ARHGAP32: variants seen among roughly 807,000 people sequenced by gnomAD.
ARHGAP32 encodes the protein Rho GTPase activating protein 32.
ARHGAP32 carries 51 observed loss-of-function variants against 186.5 expected under a neutral mutation model. The ratio of observed to expected loss-of-function variants is 0.27; its 90% CI spans 0.22 to 0.35. The LOEUF (loss-of-function observed/expected upper bound fraction) is 0.35, where lower values mean the gene tolerates loss of function less well. Among genes scored for constraint, ARHGAP32 ranks in the 10% least tolerant of loss-of-function variants. ARHGAP32 has a pLI of 1.00. For missense variants in ARHGAP32, 2,186 were observed against 2,623.5 expected (o/e 0.83, Z 3.64); for synonymous variants, 950 against 964.3 (o/e 0.99, Z 0.27).
At chr11:129,031,644 C>T (rs188289003) in intron 11 of ARHGAP32, among the ~76,000 whole-genome samples, 22 of 152,270 alleles carry the variant, frequency 1.4e-4, no homozygotes, top group Admixed American at 6.5e-4. Context: ...CATTGTGATA[C>T]GGACAGGAGA....
chr11:129,109,223 G>T (rs1308503090), intron 5 of ARHGAP32, among the ~76,000 whole-genome samples: 2 of 152,014 alleles, frequency 1.3e-5, no homozygotes, highest in Non-Finnish European at 2.9e-5. Flanking sequence ...TGCTGCAAAT[G>T]ACAGAAATTT....
At chr11:129,187,632 G>A (rs1267375795) in intron 1 of ARHGAP32, among the ~76,000 whole-genome samples, 1 of 151,998 alleles carries the variant, frequency 6.6e-6, no homozygotes, top group African/African-American at 2.4e-5. Context: ...CACATTGTGT[G>A]CCTATATCAA....
At chr11:129,165,448 A>T (rs1275367856) in intron 1 of ARHGAP32, among the ~76,000 whole-genome samples, 1 of 151,618 alleles carries the variant, frequency 6.6e-6, no homozygotes, top group Non-Finnish European at 1.5e-5. Flanking sequence ...ATTCTAACAA[A>T]GCCCCAAACC....
chr11:129,198,007 A>T (rs908454615), intron 1 of ARHGAP32, among the ~76,000 whole-genome samples: 2 of 152,208 alleles, frequency 1.3e-5, no homozygotes, highest in South Asian at 2.1e-4. Flanking sequence ...GAATCCAGTT[A>T]ATTTAATATG....
Position 129,086,808 on chromosome 11 carries a change from G to A in ARHGAP32, c.531+6813C>T, listed in dbSNP as rs760945916. Among the ~76,000 whole-genome samples, 95 of 130,822 alleles carry A rather than the reference G, an allele frequency of 7.3e-4. 1 individual carries two copies. The highest frequency in any genetic ancestry group is 1.3e-3 in the Non-Finnish European group (83 of 63,654). The allele number at this position is 130,822 out of a possible 152,430, so 85.8% of individuals were successfully genotyped here. A position where few individuals can be genotyped will look rare whatever the true frequency, so the allele number is the denominator to read the frequency against. On this transcript the variant is annotated intron_variant, in intron 6 of 22. Coordinates refer to ENST00000682385, the MANE Select transcript of ARHGAP32 (RefSeq NM_001378024.1). ...TGCACTCCAGCCTGGGCGACAGAGT[G>A]AGACTCCATCTCAAAAAAAAAAAAA...
At chr11:129,138,663 A>C (rs1420103998) in intron 2 of ARHGAP32, among the ~76,000 whole-genome samples, 1 of 152,202 alleles carries the variant, frequency 6.6e-6, no homozygotes, top group Non-Finnish European at 1.5e-5. Context: ...AGAACCACAA[A>C]GCTGGCTACT....
At chr11:129,102,497 ACTT>A (rs2135305716) in intron 5 of ARHGAP32, among the ~76,000 whole-genome samples, 1 of 152,288 alleles carries the variant, frequency 6.6e-6, no homozygotes, top group African/African-American at 2.4e-5. Context: ...AAATGAGGGA[ACTT>A]CTATCACCTA....
intron 1 of ARHGAP32, among the ~76,000 whole-genome samples, chr11:129,172,177 C>A (rs941502620): frequency 1.3e-5 from 2 of 152,128 alleles, no homozygotes; most frequent in African/African-American, 4.8e-5. Context: ...TCTTGCCTGA[C>A]TTCCCTGGCC....
chr11:128,974,588 G>A lies in ARHGAP32; in HGVS notation c.2609C>T (p.Ser870Phe). The change falls in exon 21 of 23, where the codon TCT becomes TTT. Residue 870 changes from serine to phenylalanine, a missense_variant. Ser to Phe is a radical substitution (Grantham distance 155, BLOSUM62 -2). Around this residue, in one of 5 missense-constraint regions of ARHGAP32, gnomAD observed 1,502 missense variants for 1,570.0 expected, o/e 0.96. Coordinates refer to ENST00000682385, the MANE Select transcript of ARHGAP32 (RefSeq NM_001378024.1). Reference sequence around the variant, plus strand: ...TGGACTCAGTTTCTCCTGAAGAGGAGAGACAGGTTCAGAGCTTGCTGTGCT... The same window carrying A: ...TGGACTCAGTTTCTCCTGAAGAGGAAAGACAGGTTCAGAGCTTGCTGTGCT... Reference protein sequence around the residue: ...PGSTASSEPVSPLQEKLSPFF... With the variant: ...PGSTASSEPVFPLQEKLSPFF... 6.2e-7 allele frequency: 1 copy of A among 1,614,210 alleles called. No individual in the cohort carries two copies. The highest frequency in any genetic ancestry group is 8.5e-7 in the Non-Finnish European group (1 of 1,180,020).
intron 1 of ARHGAP32, among the ~76,000 whole-genome samples, chr11:129,182,829 G>A (rs752535391): frequency 9.9e-5 from 15 of 151,602 alleles, no homozygotes; most frequent in Middle Eastern, 3.2e-3. Flanking sequence ...TTTTTCTTTT[G>A]TAGTGACGGG....
At chr11:129,156,974 T>A (rs903887879) in intron 2 of ARHGAP32, among the ~76,000 whole-genome samples, 10 of 152,160 alleles carry the variant, frequency 6.6e-5, no homozygotes, top group Non-Finnish European at 1.2e-4. Flanking sequence ...CCAGCAAACC[T>A]GCAGCAGAGG....
upstream of ARHGAP32, among the ~76,000 whole-genome samples, chr11:129,195,773 T>C (rs914434099): frequency 4.6e-5 from 7 of 152,222 alleles, no homozygotes; most frequent in African/African-American, 1.7e-4. Context: ...TGTTTTCTGT[T>C]CCCTTCTCCA....
At chr11:128,983,325 A>G (rs1467202862) in intron 15 of ARHGAP32, among the ~76,000 whole-genome samples, 1 of 152,162 alleles carries the variant, frequency 6.6e-6, no homozygotes, top group Non-Finnish European at 1.5e-5. Flanking sequence ...GAGAAGACAA[A>G]CCGAAGTGAG....
Position 128,976,465 on chromosome 11 carries a change from C to A in ARHGAP32, c.2194+98G>T, listed in dbSNP as rs1311975593. 3.1e-6 allele frequency: 3 copies of A among 957,946 alleles called. No homozygotes were observed. In the Admixed American group the frequency reaches 6.1e-5, roughly 19 times the overall value. 59.3% of individuals were successfully genotyped at this position (957,946 alleles called of 1,614,324 possible). A position where few individuals can be genotyped will look rare whatever the true frequency, so the allele number is the denominator to read the frequency against. On this transcript the variant is annotated intron_variant, in intron 20 of 22. Transcript: ENST00000682385. ...GTATTCCTAGGAAATGAGTTAATAG[C>A]CTATTTATTAAGCACAGATATATAA...
intron 2 of ARHGAP32, among the ~76,000 whole-genome samples, chr11:129,133,221 G>T (rs1374872939): frequency 6.6e-6 from 1 of 152,142 alleles, no homozygotes; most frequent in Non-Finnish European, 1.5e-5. Context: ...CTGAAGAAAA[G>T]ATAGTTAATT....
chr11:128,982,015 C>T (rs1442571050), intron 15 of ARHGAP32, 79 bp from the exon 16 acceptor site: 3 of 924,018 alleles, frequency 3.2e-6, no homozygotes, highest in Non-Finnish European at 4.8e-6. Context: ...TAATTAATTC[C>T]TAAGTTTGCA....
At chr11:129,218,401 G>A (rs1944671486) in intron 1 of ARHGAP32, among the ~76,000 whole-genome samples, 2 of 151,972 alleles carry the variant, frequency 1.3e-5, no homozygotes. Flanking sequence ...TCTTTAGAGA[G>A]ATGGTTCCCT....
At chr11:129,277,288 A>T (rs1945543982) in intron 1 of ARHGAP32, among the ~76,000 whole-genome samples, 1 of 152,124 alleles carries the variant, frequency 6.6e-6, no homozygotes, top group Admixed American at 6.5e-5. Flanking sequence ...CCAACTTCAG[A>T]AAAGCTTTTG....
At chr11:129,178,879 A>G (rs1943983337) in intron 1 of ARHGAP32, among the ~76,000 whole-genome samples, 1 of 152,078 alleles carries the variant, frequency 6.6e-6, no homozygotes, top group Non-Finnish European at 1.5e-5. Context: ...GGACATAGGC[A>G]TGGGCAAGAA....
Sources: allele counts gnomAD v4.1 joint callset (sites outside exome capture counted in the v4.1 genomes callset), GRCh38; gene constraint gnomAD v4.1.1; regional missense constraint gnomAD v4.1.1; transcripts MANE v1.5; gene names NCBI Gene and HGNC (gene_info 2026-07-23, HGNC 2026-07-21).